The following FAHD2B variants were observed in gnomAD, a reference collection of about 807,000 sequenced individuals.
FAHD2B encodes the protein fumarylacetoacetate hydrolase domain containing 2B, also known as oxaloacetate tautomerase FAHD2B, mitochondrial.
Under a neutral mutation model 33.7 loss-of-function variants are expected in FAHD2B, and 26 were observed. The ratio of observed to expected loss-of-function variants is 0.77; its 90% CI spans 0.57 to 1.07. The LOEUF is 1.07. FAHD2B is among the 50% of genes least tolerant of loss of function. The probability of loss-of-function intolerance (pLI) is 0.00; values close to 1 mark genes in which losing one functional copy is unlikely to be tolerated. For missense variants in FAHD2B, 272 were observed against 388.1 expected (o/e 0.70, Z 2.51); for synonymous variants, 108 against 150.9 (o/e 0.72, Z 2.08).
chr2:97,089,755 TA>T (rs1333373604), intron 4 of FAHD2B: 1 of 221,824 alleles, frequency 4.5e-6, no homozygotes, highest in Non-Finnish European at 9.0e-6. Flanking sequence ...GAGTCTTAAG[TA>T]AAAGGTAAGT....
intron 6 of FAHD2B, among the ~76,000 whole-genome samples, chr2:97,085,221 G>A (rs4063372): frequency 6.6e-6 from 1 of 150,750 alleles, no homozygotes; most frequent in Non-Finnish European, 1.5e-5. Context: ...GTGGCTGTGT[G>A]TTAAGAGGCT....
chr2:97,081,145 G>T (rs1367105325), downstream of FAHD2B: 1 of 1,474,710 alleles, frequency 6.8e-7, no homozygotes, highest in Non-Finnish European at 9.0e-7. Context: ...GCCGCCCCAG[G>T]GGCCCTGGGA....
chr2:97,081,199 C>T (rs1559132200), downstream of FAHD2B: 1 of 1,492,244 alleles, frequency 6.7e-7, no homozygotes, highest in Non-Finnish European at 9.0e-7. Flanking sequence ...GCTGTACCGC[C>T]AGATCCTGCT....
intron 1 of FAHD2B, among the ~76,000 whole-genome samples, chr2:97,093,191 G>A (rs1442731000): frequency 6.6e-6 from 1 of 151,976 alleles, no homozygotes; most frequent in Non-Finnish European, 1.5e-5. Context: ...AGGCAGCTGA[G>A]CCCCAGACTC....
At chr2:97,090,504 G>A (rs998008266) in intron 3 of FAHD2B, among the ~76,000 whole-genome samples, 179 bp from the exon 4 acceptor site, 8 of 152,226 alleles carry the variant, frequency 5.3e-5, no homozygotes, top group African/African-American at 1.9e-4. Flanking sequence ...TCAGAGCAGG[G>A]CTTTTATTTA....
downstream of FAHD2B, chr2:97,082,096 G>A (rs1308993730): frequency 1.7e-5 from 27 of 1,583,800 alleles, no homozygotes; most frequent in South Asian, 2.1e-4. Flanking sequence ...CAAAGAGACC[G>A]AGGGCCAGTA....
chr2:97,079,557 C>T (rs921831520), downstream of FAHD2B, among the ~76,000 whole-genome samples: 6 of 152,012 alleles, frequency 3.9e-5, no homozygotes, highest in Non-Finnish European at 7.4e-5. Context: ...TGATTGTTGG[C>T]TGCATGTATG....
chr2:97,084,033 A>G lies in FAHD2B; in HGVS notation c.797T>C (p.Phe266Ser). 1 of 1,613,658 alleles carries G rather than the reference A, an allele frequency of 6.2e-7. No homozygotes were observed. The highest frequency in any genetic ancestry group is 8.5e-7 in the Non-Finnish European group (1 of 1,179,902). Residue 266 changes from phenylalanine to serine, a missense_variant and splice_region_variant, in exon 8 of 9, where the codon TTT (phenylalanine) becomes TCT (serine). By Grantham distance (155) the Phe-to-Ser change is radical. Coordinates refer to ENST00000414820, the MANE Select transcript of FAHD2B (RefSeq NM_001320848.2). Reference sequence around the variant, plus strand: ...GACATCCCCTGGGTAAAAGGTAACAAACCTGGAGCAAAGCAAAAGGACCCA... The same window carrying G: ...GACATCCCCTGGGTAAAAGGTAACAGACCTGGAGCAAAGCAAAAGGACCCA... ...TEDLIAWVSQ[F>S]VTFYPGDVIL... is the part of the protein sequence containing the mutation.
intron 1 of FAHD2B, 50 bp from the exon 2 acceptor site, chr2:97,092,038 C>T (rs1486437777): frequency 7.7e-6 from 2 of 258,984 alleles, no homozygotes; most frequent in South Asian, 8.7e-5. Flanking sequence ...CTGCCATTCT[C>T]CCTGCACAGG....
intron 1 of FAHD2B, 34 bp from the exon 2 acceptor site, chr2:97,092,022 T>C (rs1462817938): frequency 2.4e-5 from 7 of 294,038 alleles, no homozygotes; most frequent in Non-Finnish European, 3.8e-5. Context: ...TAGGTCAAAC[T>C]CAGCCCTGCC....
chr2:97,091,375 G>A, intron 3 of FAHD2B, 87 bp downstream of exon 3: 2 of 1,412,598 alleles, frequency 1.4e-6, no homozygotes, highest in Non-Finnish European at 1.9e-6. Context: ...TTGCAAAAGA[G>A]CTACCTGCTG....
intron 6 of FAHD2B, 89 bp from the exon 7 acceptor site, chr2:97,084,366 T>C: frequency 6.6e-7 from 1 of 1,506,354 alleles, no homozygotes. Context: ...GGGCGCTTCG[T>C]GACTTGGCAG....
downstream of FAHD2B, among the ~76,000 whole-genome samples, chr2:97,080,076 G>T (rs2031590691): frequency 1.3e-5 from 2 of 152,122 alleles, no homozygotes; most frequent in African/African-American, 4.8e-5. Flanking sequence ...CTTTTGCTGT[G>T]TGGAAACTCT....
In FAHD2B at chr2:97,090,147, C is replaced by A. The variant is rs1362042321; in HGVS notation, c.424G>T (p.Gly142Trp). ...GGGAGGACCACCTCATCATAGGGCCCCACGATGGAGCTGGCAAACTTGCTG... is the reference window on the plus strand; with the variant it reads ...GGGAGGACCACCTCATCATAGGGCCACACGATGGAGCTGGCAAACTTGCTG... Reference protein sequence around the residue: ...IFSKFASSIVGPYDEVVLPPQ... With the variant: ...IFSKFASSIVWPYDEVVLPPQ... The change falls in exon 4 of 9, where the codon GGG (glycine) becomes TGG (tryptophan). Residue 142 changes from glycine to tryptophan, a missense_variant. By Grantham distance (184) the Gly-to-Trp change is radical. Coordinates refer to ENST00000414820, the MANE Select transcript of FAHD2B (RefSeq NM_001320848.2). 6 of 1,608,882 alleles carry A rather than the reference C, an allele frequency of 3.7e-6. No individual in the cohort carries two copies.
At chr2:97,079,976 A>C (rs2031588576), downstream of FAHD2B, among the ~76,000 whole-genome samples, 1 of 152,108 alleles carries the variant, frequency 6.6e-6, no homozygotes, top group Non-Finnish European at 1.5e-5. Context: ...AGTTTCTTAC[A>C]GATGCTAGAT....
Position 97,091,546 on chromosome 2 carries a change from T to C in FAHD2B, c.161A>G (p.Asn54Ser), listed in dbSNP as rs775047397. The change falls in exon 3 of 9, where the codon AAC (asparagine) becomes AGC (serine). Residue 54 changes from asparagine to serine, a missense_variant. Physicochemically the swap from Asn to Ser is conservative, Grantham distance 46. Coordinates refer to ENST00000414820, the MANE Select transcript of FAHD2B (RefSeq NM_001320848.2). Reference protein sequence around the residue: ...LETGNGGGVINLNAFDPTLPK... With the variant: ...LETGNGGGVISLNAFDPTLPK... ...GAGTGTGGGGTCAAAGGCATTGAGG[T>C]TGATAACCCCTCCACCATTCCCTGT... 5 of 1,613,592 alleles carry C rather than the reference T, an allele frequency of 3.1e-6. No individual in the cohort carries two copies. The highest frequency in any genetic ancestry group is 1.1e-5 in the South Asian group (1 of 90,968).
At chr2:97,089,183 C>T (rs942406681) in intron 4 of FAHD2B, among the ~76,000 whole-genome samples, 8 of 152,102 alleles carry the variant, frequency 5.3e-5, no homozygotes, top group East Asian at 1.9e-4. Context: ...TTTTGAAATA[C>T]TGCCTGTAGT....
intron 4 of FAHD2B, among the ~76,000 whole-genome samples, chr2:97,088,769 G>T (rs1171329027): frequency 2.6e-5 from 4 of 151,942 alleles, no homozygotes; most frequent in African/African-American, 9.7e-5. Context: ...TGGGGCAACT[G>T]GATTTCATAT....
chr2:97,080,885 C>T (rs1386283688), downstream of FAHD2B, among the ~76,000 whole-genome samples: 6 of 152,090 alleles, frequency 3.9e-5, no homozygotes, highest in Admixed American at 1.3e-4. Flanking sequence ...GCTCTCAGCT[C>T]GATTGTTGTT....
Sources: allele counts gnomAD v4.1 joint callset (sites outside exome capture counted in the v4.1 genomes callset), GRCh38; gene constraint gnomAD v4.1.1; transcripts MANE v1.5; gene names NCBI Gene and HGNC (gene_info 2026-07-23, HGNC 2026-07-21).